WHAMM: variants seen among roughly 807,000 people sequenced by gnomAD.
The protein encoded by WHAMM is WASP homolog-associated protein with actin, membranes and microtubules.
In WHAMM, 67 loss-of-function variants were observed where a neutral mutation model predicts 76.5. The observed-to-expected ratio is 0.88, with a 90% CI of 0.72 to 1.07. The LOEUF (loss-of-function observed/expected upper bound fraction) is 1.07, where lower values mean the gene tolerates loss of function less well. Among genes scored for constraint, WHAMM ranks in the 50% least tolerant of loss-of-function variants. The probability of loss-of-function intolerance (pLI) is 0.00; values close to 1 mark genes in which losing one functional copy is unlikely to be tolerated. For synonymous variants in WHAMM, 419 were observed against 422.1 expected (o/e 0.99, Z 0.09); for missense variants, 1,021 against 1,051.1 (o/e 0.97, Z 0.40).
rs182249004 is a variant in WHAMM, at chr15:82,834,298, A to G, written c.*762A>G. On this transcript the variant is annotated 3_prime_UTR_variant, in exon 10 of 10. Transcript: ENST00000286760. ...TGATCCACCTGCCTTGGCCACCCAA[A>G]GTGTTGGGATTATAGGCATGAGCCA... 940 of 152,522 alleles carry G rather than the reference A, an allele frequency of 6.2e-3. 11 individuals carry two copies. The highest frequency in any genetic ancestry group is 6.2e-3 in the Non-Finnish European group (424 of 68,192). 9.4% of individuals were successfully genotyped at this position (152,522 alleles called of 1,614,324 possible). A position where few individuals can be genotyped will look rare whatever the true frequency, so the allele number is the denominator to read the frequency against.
At chr15:82,818,210 T>G in intron 4 of WHAMM, 121 bp downstream of exon 4, 1 of 1,096,710 alleles carries the variant, frequency 9.1e-7, no homozygotes, top group East Asian at 2.6e-5. Flanking sequence ...AGTGGTGAAG[T>G]TTGGGCTTTT....
At chr15:82,828,008 CAT>C (rs1008056898) in intron 8 of WHAMM, among the ~76,000 whole-genome samples, 1 of 152,146 alleles carries the variant, frequency 6.6e-6, no homozygotes, top group Admixed American at 6.5e-5. Context: ...GACTGTAAAA[CAT>C]AGACCTGCTT....
intron 5 of WHAMM, among the ~76,000 whole-genome samples, chr15:82,822,565 G>C (rs1049461556): frequency 6.6e-6 from 1 of 152,156 alleles, no homozygotes; most frequent in African/African-American, 2.4e-5. Context: ...AGCCTGCCAG[G>C]TAGCTCGGAT....
chr15:82,815,169 A>AT lies in WHAMM; in HGVS notation c.784-1518dup, dbSNP rs1265382759. Among the ~76,000 whole-genome samples the AT allele has an allele frequency of 2.8e-4, 32 of 115,594 alleles. 1 individual carries two copies. The South Asian group carries it at 4.4e-3, about 16-fold the overall frequency. 75.8% of individuals were successfully genotyped at this position (115,594 alleles called of 152,430 possible). A position where few individuals can be genotyped will look rare whatever the true frequency, so the allele number is the denominator to read the frequency against. ...TATATATATATAGTACAATTCAGTG[A>AT]TTTTTAGTATATTCAAAGTTGTGCA... On this transcript the variant is annotated intron_variant, in intron 2 of 9. Coordinates refer to ENST00000286760, the MANE Select transcript of WHAMM (RefSeq NM_001080435.3).
At position 82,811,310 on chromosome 15, in the gene WHAMM, C is replaced by G. The variant is rs145800406; in HGVS notation, c.609+975C>G. Among the ~76,000 whole-genome samples the G allele has an allele frequency of 2.2e-3, 333 of 152,162 alleles. 10 individuals are homozygous for G. In the East Asian group the frequency reaches 0.06, roughly 27 times the overall value. On this transcript the variant is annotated intron_variant, in intron 1 of 9. Transcript: ENST00000286760. ...TTCAGGCCAGTCAGCGTTTGATCTT[C>G]AACTTTATCGTCTTCACCTTAGGAT...
At chr15:82,814,970 A>G (rs1445396163) in intron 2 of WHAMM, among the ~76,000 whole-genome samples, 3 of 147,594 alleles carry the variant, frequency 2.0e-5, no homozygotes, top group Non-Finnish European at 3.0e-5. Flanking sequence ...TGGGGTTTCA[A>G]CATGTTAGCC....
intron 5 of WHAMM, among the ~76,000 whole-genome samples, chr15:82,820,721 C>A (rs1449608545): frequency 1.3e-5 from 2 of 151,778 alleles, no homozygotes; most frequent in African/African-American, 4.8e-5. Flanking sequence ...ATGTTGAAAC[C>A]CTGTCTCTAC....
Position 82,816,820 on chromosome 15 carries a change from G to A in WHAMM, c.912G>A (p.Lys304=), listed in dbSNP as rs1455689970. The stretch of plus-strand genomic sequence containing the variant: ...AGGATATCACAGTGAATTATTTTAA[G>A]GAGACAGTAAAAGCATTAGCAGGTG... ...SIQDITVNYF[K]ETVKALAGMQ... The change falls in exon 3 of 10, where the codon AAG becomes AAA. Residue 304 remains lysine, a synonymous_variant. Coordinates refer to ENST00000286760, the MANE Select transcript of WHAMM (RefSeq NM_001080435.3). 1 of 1,564,450 alleles carries A rather than the reference G, an allele frequency of 6.4e-7. No individual in the cohort carries two copies. The highest frequency in any genetic ancestry group is 1.9e-5 in the Admixed American group (1 of 52,342).
At chr15:82,826,648 T>C (rs1407280127) in intron 7 of WHAMM, 103 bp from the exon 8 acceptor site, 1 of 1,547,548 alleles carries the variant, frequency 6.5e-7, no homozygotes, top group Non-Finnish European at 8.7e-7. Flanking sequence ...GGGGTGGTAA[T>C]GTTGGGGTAC....
intron 1 of WHAMM, among the ~76,000 whole-genome samples, chr15:82,811,421 G>A (rs142681702): frequency 0.014 from 2,080 of 152,260 alleles, 43 homozygotes; most frequent in African/African-American, 0.048. Context: ...ACAGAGATAG[G>A]TGGTTTCTCC....
rs200993177 is a variant in WHAMM at position 82,830,889 on chromosome 15, TCCACCACCA to T, written c.1938_1946del (p.Pro656_Pro658del). Reference sequence around the variant, plus strand: ...TGTCACTGCCACCACCTCCTCCTCCTCCACCACCACCACCGCCGCCACCGCCGCCCCCAC... The same window carrying T: ...TGTCACTGCCACCACCTCCTCCTCCTCCACCGCCGCCACCGCCGCCCCCAC... On this transcript the variant is annotated inframe_deletion, in exon 9 of 10. Coordinates refer to ENST00000286760, the MANE Select transcript of WHAMM (RefSeq NM_001080435.3). 3.8e-4 allele frequency: 605 copies of T among 1,572,212 alleles called. 3 individuals are homozygous for T. In the African/African-American group the frequency reaches 7.3e-3, roughly 19 times the overall value.
rs143718236 is a variant in WHAMM, at chr15:82,825,607, T to G, written c.1459-803T>G. ...ACCTTAGGCAAATTACTTAAATCTCTTTCGAGCTCACAGTTTTCTCATCTG... is the reference window on the plus strand; with the variant it reads ...ACCTTAGGCAAATTACTTAAATCTCGTTCGAGCTCACAGTTTTCTCATCTG... On this transcript the variant is annotated intron_variant, in intron 6 of 9. Coordinates refer to ENST00000286760, the MANE Select transcript of WHAMM (RefSeq NM_001080435.3). Among the ~76,000 whole-genome samples, 425 of 152,234 alleles carry G rather than the reference T, an allele frequency of 2.8e-3. 2 individuals are homozygous for G. The highest frequency in any genetic ancestry group is 8.0e-3 in the Admixed American group (123 of 15,282).
Position 82,810,041 on chromosome 15 carries a change from C to A in WHAMM, c.315C>A (p.Phe105Leu). 4 of 1,221,864 alleles carry A rather than the reference C, an allele frequency of 3.3e-6. No homozygotes were observed. Among genetic ancestry groups the A allele is most frequent in the South Asian group, 3.6e-5 (1 of 27,744 alleles). 75.7% of individuals were successfully genotyped at this position (1,221,864 alleles called of 1,614,324 possible). Residue 105 changes from phenylalanine (F) to leucine (L), a missense_variant, in exon 1 of 10, where the codon TTC (phenylalanine) becomes TTA (leucine). Physicochemically the swap from Phe to Leu is conservative, Grantham distance 22. This residue lies in a region of WHAMM where 501 missense variants were observed against 524.9 expected (regional missense o/e 0.95). Transcript: ENST00000286760. ...AALWPPLERCFPRLPPELDVG... is the reference protein window; with the variant it reads ...AALWPPLERCLPRLPPELDVG... ...TGTGGCCGCCTCTGGAGCGCTGCTT[C>A]CCGCGGCTGCCGCCGGAGCTGGACG...
Position 82,823,408 on chromosome 15 carries a change from G to A in WHAMM, c.1458+121G>A, listed in dbSNP as rs2050871298. The A allele has an allele frequency of 5.8e-6, 5 of 865,268 alleles. No individual in the cohort carries two copies. The South Asian group carries it at 3.1e-4, about 53-fold the overall frequency. 53.6% of individuals were successfully genotyped at this position (865,268 alleles called of 1,614,324 possible). A position where few individuals can be genotyped will look rare whatever the true frequency, so the allele number is the denominator to read the frequency against. ...CAGTGATTACATTTTGTGTGCTTAT[G>A]TACTTATCCATGGCTATAGTTAAAA... is the stretch of plus-strand genomic sequence containing the variant. On this transcript the variant is annotated intron_variant, in intron 6 of 9. Coordinates refer to ENST00000286760, the MANE Select transcript of WHAMM (RefSeq NM_001080435.3).
chr15:82,813,066 T>G, intron 1 of WHAMM, 37 bp from the exon 2 acceptor site: 1 of 1,481,568 alleles, frequency 6.7e-7, no homozygotes, highest in South Asian at 1.4e-5. Flanking sequence ...TTAAATATAC[T>G]GTCCTGACTT....
chr15:82,822,302 TAAA>T (rs35499552), intron 5 of WHAMM, among the ~76,000 whole-genome samples: 1 of 152,190 alleles, frequency 6.6e-6, no homozygotes, highest in Admixed American at 6.5e-5. Context: ...AAGGAAGTGA[TAAA>T]AAGTGTACAC....
At position 82,834,796 on chromosome 15, in the gene WHAMM, C is replaced by T. The variant is rs922540110; in HGVS notation, c.*1260C>T. 4 of 152,206 alleles carry T rather than the reference C, an allele frequency of 2.6e-5. No homozygotes were observed. The highest frequency in any genetic ancestry group is 5.9e-5 in the Non-Finnish European group (4 of 68,038). The allele number at this position is 152,206 out of a possible 1,614,324, so 9.4% of individuals were successfully genotyped here. On this transcript the variant is annotated 3_prime_UTR_variant, in exon 10 of 10. Coordinates refer to ENST00000286760, the MANE Select transcript of WHAMM (RefSeq NM_001080435.3). ...TAGCTGCTGTAAAAGCAAAGTCTTC[C>T]GTGTCCGGGTGGGCTGAAAGTTTTT...
rs775615505 is a variant in WHAMM at position 82,833,457 on chromosome 15, C to T, written c.2351C>T (p.Ala784Val). ...TSDLERSIKA[A>V]LQRIKRVSAD... ...GACCTTGAGAGGAGCATCAAGGCTG[C>T]GCTCCAGAGAATCAAGAGGGTGTCT... Residue 784 changes from alanine to valine, a missense_variant, in exon 10 of 10, where the codon GCG (alanine) becomes GTG (valine). Around this residue, in one of 3 missense-constraint regions of WHAMM, gnomAD observed 509 missense variants for 492.3 expected, o/e 1.03. Coordinates refer to ENST00000286760, the MANE Select transcript of WHAMM (RefSeq NM_001080435.3). 6.8e-6 allele frequency: 11 copies of T among 1,613,998 alleles called. No homozygotes were observed. Among genetic ancestry groups the T allele is most frequent in the East Asian group, 4.5e-5 (2 of 44,886 alleles).
chr15:82,822,701 G>A (rs537663049), intron 5 of WHAMM, among the ~76,000 whole-genome samples: 2 of 152,294 alleles, frequency 1.3e-5, no homozygotes, highest in East Asian at 3.9e-4. Context: ...GCCTCCCAAA[G>A]TGCTGGGATT....
Sources: gnomAD v4.1 joint callset for allele counts (sites outside exome capture counted in the v4.1 genomes callset) on GRCh38, gnomAD v4.1.1 for gene constraint, gnomAD v4.1.1 regional missense constraint, MANE v1.5 for transcripts, NCBI Gene and HGNC (gene_info 2026-07-23, HGNC 2026-07-21) for gene names.